The following RHBDL3 variants were observed in gnomAD, a reference collection of about 807,000 sequenced individuals.
RHBDL3 encodes the protein rhomboid-related protein 3.
A neutral mutation model predicts 48.2 loss-of-function variants in RHBDL3; 28 were observed. That is an observed-to-expected ratio of 0.58 (90% CI 0.43 to 0.80). The LOEUF (loss-of-function observed/expected upper bound fraction) is 0.80, where lower values mean the gene tolerates loss of function less well. Among genes scored for constraint, RHBDL3 ranks in the 30% least tolerant of loss-of-function variants. The pLI, the probability that RHBDL3 is intolerant of heterozygous loss-of-function variation, is 0.00. For missense variants in RHBDL3, 464 were observed against 542.7 expected, an observed-to-expected ratio of 0.85 and a Z score of 1.44; for synonymous variants, 208 against 232.3, an observed-to-expected ratio of 0.90 and a Z score of 0.95.
chr17:32,320,619 C>T (rs994109166), intron 8 of RHBDL3, among the ~76,000 whole-genome samples: 3 of 152,214 alleles, frequency 2.0e-5, no homozygotes, highest in Admixed American at 1.3e-4. Context: ...CCGCCGCACC[C>T]GGCCAAATGT....
intron 3 of RHBDL3, among the ~76,000 whole-genome samples, chr17:32,286,930 T>C (rs1387127641): frequency 6.6e-6 from 1 of 152,186 alleles, no homozygotes; most frequent in Non-Finnish European, 1.5e-5. Flanking sequence ...AACAGCTCTG[T>C]ATGGGCTAGC....
intron 4 of RHBDL3, among the ~76,000 whole-genome samples, chr17:32,294,033 CAGG>C (rs1310513979): frequency 6.6e-6 from 1 of 151,164 alleles, no homozygotes; most frequent in East Asian, 1.9e-4. Flanking sequence ...GAGGCTGAGG[CAGG>C]AGAATCGCTT....
At chr17:32,276,090 G>A (rs938418288) in intron 2 of RHBDL3, among the ~76,000 whole-genome samples, 1 of 152,040 alleles carries the variant, frequency 6.6e-6, no homozygotes, top group Admixed American at 6.5e-5. Flanking sequence ...TAAGTGGGAC[G>A]AACCAGACTT....
rs2041132464 is a variant in RHBDL3 at position 32,321,457 on chromosome 17, G to A, written c.*228G>A. 7 of 1,269,308 alleles carry A rather than the reference G, an allele frequency of 5.5e-6. No individual in the cohort carries two copies. In the South Asian group the frequency reaches 8.5e-5, roughly 15 times the overall value. 78.6% of individuals were successfully genotyped at this position (1,269,308 alleles called of 1,614,324 possible). Reference sequence around the variant, plus strand: ...TGCTGTCGTTTTTCTCGGCTGCTCTGATGACATCGGGCCAGGGTGAAGGTC... The same window carrying A: ...TGCTGTCGTTTTTCTCGGCTGCTCTAATGACATCGGGCCAGGGTGAAGGTC... On this transcript the variant is annotated 3_prime_UTR_variant, in exon 9 of 9. Transcript: ENST00000269051.
intron 1 of RHBDL3, 73 bp downstream of exon 1, chr17:32,266,373 A>C: frequency 3.9e-6 from 3 of 759,724 alleles, no homozygotes; most frequent in Non-Finnish European, 1.9e-6. Flanking sequence ...GTCTCGCCCC[A>C]CGCCGGGCAA....
intron 1 of RHBDL3, among the ~76,000 whole-genome samples, chr17:32,266,921 C>T (rs1320860618): frequency 6.6e-6 from 1 of 151,998 alleles, no homozygotes; most frequent in African/African-American, 2.4e-5. Context: ...GGGGACGGTC[C>T]CCTGGGCGAG....
intron 2 of RHBDL3, among the ~76,000 whole-genome samples, chr17:32,269,531 C>T (rs1465482904): frequency 6.6e-6 from 1 of 152,202 alleles, no homozygotes; most frequent in African/African-American, 2.4e-5. Flanking sequence ...ACATTAACCA[C>T]GAGGTCTGGC....
At position 32,309,969 on chromosome 17, in the gene RHBDL3, G is replaced by C. The variant is rs140156503; in HGVS notation, c.882+4528G>C. Among the ~76,000 whole-genome samples the C allele has an allele frequency of 1.6e-3, 246 of 151,508 alleles. 2 individuals are homozygous for C. Among genetic ancestry groups the C allele is most frequent in the Non-Finnish European group, 6.5e-4 (44 of 67,854 alleles). ...TAACCATGTTGCCCAGGCTGGTCTC[G>C]AACTCCTGAACTCAAGTGATCCACC... On this transcript the variant is annotated intron_variant, in intron 7 of 8. Transcript: ENST00000269051.
chr17:32,296,121 G>A (rs368337721), intron 5 of RHBDL3, among the ~76,000 whole-genome samples: 4 of 151,536 alleles, frequency 2.6e-5, no homozygotes, highest in African/African-American at 9.7e-5. Flanking sequence ...CCACCTACTC[G>A]GGAGGCTGAG....
chr17:32,309,173 G>A (rs72811085), intron 7 of RHBDL3, among the ~76,000 whole-genome samples: 9,133 of 128,312 alleles, frequency 0.071, 328 homozygotes, highest in South Asian at 0.12. Flanking sequence ...CAAAATGAAG[G>A]TTTGGAGTGT....
At chr17:32,291,292 C>A (rs1361136424) in intron 4 of RHBDL3, among the ~76,000 whole-genome samples, 2 of 150,902 alleles carry the variant, frequency 1.3e-5, no homozygotes, top group Non-Finnish European at 2.9e-5. Flanking sequence ...AAGATCGTGC[C>A]ACTGCACTCC....
rs371815130 is a variant in RHBDL3 at position 32,309,369 on chromosome 17, A to G, written c.882+3928A>G. 4.9e-4 allele frequency among the ~76,000 whole-genome samples: 75 copies of G among 152,190 alleles called. No homozygotes were observed. In the Middle Eastern group the frequency reaches 0.01, roughly 21 times the overall value. ...GGAGTTTGCGACCAGCCTGACCAAC[A>G]TGGAGAAACCCCGTCTCTACTAAAA... On this transcript the variant is annotated intron_variant, in intron 7 of 8. Transcript: ENST00000269051.
chr17:32,302,247 C>T (rs1344925456), intron 6 of RHBDL3, among the ~76,000 whole-genome samples: 1 of 152,180 alleles, frequency 6.6e-6, no homozygotes, highest in Non-Finnish European at 1.5e-5. Flanking sequence ...CCGGGGAGGG[C>T]CTTTATTACT....
chr17:32,266,168 G>GC lies in RHBDL3; in HGVS notation c.-17dup, dbSNP rs2039622468. 9.4e-7 allele frequency: 1 copy of GC among 1,066,256 alleles called. No homozygotes were observed. Among genetic ancestry groups the GC allele is most frequent in the Non-Finnish European group, 1.2e-6 (1 of 851,474 alleles). 66.0% of individuals were successfully genotyped at this position (1,066,256 alleles called of 1,614,324 possible). A position where few individuals can be genotyped will look rare whatever the true frequency, so the allele number is the denominator to read the frequency against. ...CGGGACGAGCCCCGCAGCCGCCGCCGCCCCCGGACCCCGTCTCGGCCATGG... is the reference window on the plus strand; with the variant it reads ...CGGGACGAGCCCCGCAGCCGCCGCCGCCCCCCGGACCCCGTCTCGGCCATGG... On this transcript the variant is annotated 5_prime_UTR_variant, in exon 1 of 9. Coordinates refer to ENST00000269051, the MANE Select transcript of RHBDL3 (RefSeq NM_138328.3).
chr17:32,266,337 G>A (rs1022219681), intron 1 of RHBDL3, 37 bp downstream of exon 1: 204 of 1,175,394 alleles, frequency 1.7e-4, no homozygotes, highest in Non-Finnish European at 2.3e-4. Context: ...ACTTTCTAGG[G>A]GGCGCCGGGG....
At chr17:32,297,227 G>A (rs2040471532) in intron 5 of RHBDL3, among the ~76,000 whole-genome samples, 1 of 152,118 alleles carries the variant, frequency 6.6e-6, no homozygotes, top group Non-Finnish European at 1.5e-5. Context: ...CAAAACTTTG[G>A]GAGGCCGAGG....
chr17:32,296,746 C>T, intron 5 of RHBDL3, among the ~76,000 whole-genome samples: 1 of 151,852 alleles, frequency 6.6e-6, no homozygotes, highest in East Asian at 1.9e-4. Flanking sequence ...GTTTTGAGAA[C>T]ATATTTTTCT....
chr17:32,316,180 C>A, intron 7 of RHBDL3, 52 bp from the exon 8 acceptor site: 1 of 1,303,864 alleles, frequency 7.7e-7, no homozygotes, highest in Non-Finnish European at 1.1e-6. Context: ...CAAGACACAC[C>A]GGCAGAAGAG....
chr17:32,315,187 C>T (rs557838281), intron 7 of RHBDL3, among the ~76,000 whole-genome samples: 4 of 152,320 alleles, frequency 2.6e-5, no homozygotes, highest in East Asian at 3.9e-4. Context: ...AAGTGCCACA[C>T]GTGCCCCCGA....
Sources: allele counts gnomAD v4.1 joint callset (sites outside exome capture counted in the v4.1 genomes callset), GRCh38; gene constraint gnomAD v4.1.1; transcripts MANE v1.5; gene names NCBI Gene and HGNC (gene_info 2026-07-23, HGNC 2026-07-21).